Variants in TOX observed in about 807,000 individuals in gnomAD.
The protein encoded by TOX is thymocyte selection associated high mobility group box.
Under a neutral mutation model 53.7 loss-of-function variants are expected in TOX, and 11 were observed. The observed-to-expected ratio is 0.20, with a 90% confidence interval of 0.13 to 0.34. The LOEUF is 0.34. Among genes scored for constraint, TOX ranks in the 10% least tolerant of loss-of-function variants. TOX has a pLI of 1.00. For synonymous variants in TOX, 225 were observed against 245.3 expected, an observed-to-expected ratio of 0.92 and a Z score of 0.77; for missense variants, 570 against 664.6, an observed-to-expected ratio of 0.86 and a Z score of 1.56.
chr8:59,036,615 T>C (rs931697405), intron 1 of TOX, among the ~76,000 whole-genome samples: 2 of 152,216 alleles, frequency 1.3e-5, no homozygotes, highest in Non-Finnish European at 2.9e-5. Context: ...AAATTATCCA[T>C]GAAAATACCA....
intron 1 of TOX, among the ~76,000 whole-genome samples, chr8:59,048,483 A>G (rs539322717): frequency 1.8e-4 from 28 of 152,224 alleles, no homozygotes; most frequent in Non-Finnish European, 3.5e-4. Context: ...CAAAAAGCAT[A>G]AAACATATAA....
chr8:59,015,761 A>C (rs1244600202), intron 1 of TOX, among the ~76,000 whole-genome samples: 1 of 152,224 alleles, frequency 6.6e-6, no homozygotes, highest in African/African-American at 2.4e-5. Context: ...GAAAGCTAGG[A>C]AAACAATAAA....
intron 1 of TOX, among the ~76,000 whole-genome samples, chr8:58,993,643 A>C (rs1298663781): frequency 6.6e-6 from 1 of 152,212 alleles, no homozygotes; most frequent in East Asian, 1.9e-4. Context: ...TCTAGGATGA[A>C]ATAACATTTC....
intron 1 of TOX, among the ~76,000 whole-genome samples, chr8:59,103,180 A>T (rs1266747946): frequency 6.6e-6 from 1 of 152,202 alleles, no homozygotes; most frequent in Admixed American, 6.5e-5. Context: ...AACTGAAGTC[A>T]TCCAGTTTAG....
At chr8:59,082,155 T>C (rs931272036) in intron 1 of TOX, among the ~76,000 whole-genome samples, 1 of 152,238 alleles carries the variant, frequency 6.6e-6, no homozygotes, top group African/African-American at 2.4e-5. Context: ...CAATTTTATT[T>C]CCTAATACTC....
intron 3 of TOX, among the ~76,000 whole-genome samples, chr8:58,868,114 G>A (rs923224643): frequency 6.6e-6 from 1 of 152,058 alleles, no homozygotes; most frequent in African/African-American, 2.4e-5. Context: ...AGTCTCATGA[G>A]GTCTGATGGT....
At chr8:58,812,169 T>C (rs1294564793) in intron 7 of TOX, among the ~76,000 whole-genome samples, 3 of 152,140 alleles carry the variant, frequency 2.0e-5, no homozygotes, top group African/African-American at 7.2e-5. Context: ...AACTGATGAC[T>C]CGGATGTGGG....
chr8:58,894,540 T>C (rs1204450476), intron 3 of TOX, among the ~76,000 whole-genome samples: 1 of 152,230 alleles, frequency 6.6e-6, no homozygotes, highest in Non-Finnish European at 1.5e-5. Context: ...TCATTGATAT[T>C]AGCTTGTTTG....
At chr8:59,091,189 C>T (rs763162642) in intron 1 of TOX, among the ~76,000 whole-genome samples, 3 of 152,156 alleles carry the variant, frequency 2.0e-5, no homozygotes, top group Non-Finnish European at 2.9e-5. Flanking sequence ...CTCATTCCTC[C>T]GTCCACCACT....
chr8:58,988,805 T>C (rs1813386450), intron 1 of TOX, among the ~76,000 whole-genome samples: 1 of 152,298 alleles, frequency 6.6e-6, no homozygotes, highest in South Asian at 2.1e-4. Flanking sequence ...CCCAGACTTA[T>C]TTGACTTATG....
At chr8:58,859,104 G>A (rs968330205) in intron 3 of TOX, among the ~76,000 whole-genome samples, 3 of 152,018 alleles carry the variant, frequency 2.0e-5, no homozygotes, top group Non-Finnish European at 4.4e-5. Flanking sequence ...TAAATAAATC[G>A]TTTTTACGTG....
chr8:59,081,765 T>A (rs540902220), intron 1 of TOX, among the ~76,000 whole-genome samples: 3 of 152,118 alleles, frequency 2.0e-5, no homozygotes, highest in Non-Finnish European at 2.9e-5. Context: ...AGGCGGTGGA[T>A]AAAATTGAGG....
chr8:58,906,680 T>C (rs1811820397), intron 3 of TOX, among the ~76,000 whole-genome samples: 1 of 152,236 alleles, frequency 6.6e-6, no homozygotes, highest in Admixed American at 6.5e-5. Flanking sequence ...ATGGATCTAA[T>C]TATATCTACA....
At chr8:59,053,284 A>C (rs1349821732) in intron 1 of TOX, among the ~76,000 whole-genome samples, 2 of 152,194 alleles carry the variant, frequency 1.3e-5, no homozygotes, top group African/African-American at 4.8e-5. Flanking sequence ...AATATGTTAC[A>C]ATGAGAAAAT....
chr8:59,022,777 C>T (rs1233353503), intron 1 of TOX, among the ~76,000 whole-genome samples: 3 of 152,004 alleles, frequency 2.0e-5, no homozygotes, highest in Non-Finnish European at 4.4e-5. Flanking sequence ...GACAGGTGAG[C>T]AATCAGGAGC....
intron 3 of TOX, among the ~76,000 whole-genome samples, chr8:58,905,077 C>A (rs574239991): frequency 6.6e-6 from 1 of 152,128 alleles, no homozygotes; most frequent in Non-Finnish European, 1.5e-5. Context: ...GGACTACAGG[C>A]GCGCGCCACC....
At chr8:58,939,688 G>A in intron 2 of TOX, 144 bp from the exon 3 acceptor site, 14 of 1,202,190 alleles carry the variant, frequency 1.2e-5, no homozygotes, top group East Asian at 2.6e-5. Flanking sequence ...TTATCCTGCT[G>A]CCATTTCATC....
intron 3 of TOX, among the ~76,000 whole-genome samples, chr8:58,895,151 G>A (rs1811621730): frequency 6.6e-6 from 1 of 152,180 alleles, no homozygotes; most frequent in Non-Finnish European, 1.5e-5. Flanking sequence ...TTGCACCACT[G>A]CACTCCAGCC....
chr8:58,856,844 G>A (rs923376996), intron 3 of TOX, among the ~76,000 whole-genome samples: 10 of 151,860 alleles, frequency 6.6e-5, no homozygotes, highest in Non-Finnish European at 1.2e-4. Flanking sequence ...CCATAAGGAC[G>A]CTGAAGGCAC....
Sources: allele counts gnomAD v4.1 joint callset (sites outside exome capture counted in the v4.1 genomes callset), GRCh38; gene constraint gnomAD v4.1.1; transcripts MANE v1.5; gene names NCBI Gene and HGNC (gene_info 2026-07-23, HGNC 2026-07-21).